Variants in P2RX7 observed in about 807,000 individuals in gnomAD.
The protein encoded by P2RX7 is purinergic receptor P2X 7.
P2RX7 carries 62 observed loss-of-function variants against 71.6 expected under a neutral mutation model. The observed-to-expected ratio is 0.87, with a 90% CI of 0.71 to 1.07. The LOEUF is 1.07. P2RX7 is among the 50% of genes least tolerant of loss of function. The pLI, the probability that P2RX7 is intolerant of heterozygous loss-of-function variation, is 0.00. For synonymous variants in P2RX7, 299 were observed against 283.3 expected, an observed-to-expected ratio of 1.06 and a Z score of -0.56; for missense variants, 686 against 748.5, an observed-to-expected ratio of 0.92 and a Z score of 0.97.
chr12:121,136,890 C>T (rs1873828696), intron 1 of P2RX7, among the ~76,000 whole-genome samples: 1 of 152,074 alleles, frequency 6.6e-6, no homozygotes, highest in African/African-American at 2.4e-5. Flanking sequence ...CTCAAGCAAT[C>T]CACCCGCCTT....
rs1565975235 is a variant in P2RX7, at chr12:121,177,324, G to A, written c.1066G>A (p.Asp356Asn). Residue 356 changes from aspartate (D) to asparagine (N), a missense_variant, in exon 11 of 13, where the codon GAC becomes AAC. Transcript: ENST00000328963. ...LAAVFIDFLIDTYSSNCCRSH... is the reference protein window; with the variant it reads ...LAAVFIDFLINTYSSNCCRSH... Reference sequence around the variant, plus strand: ...CGCTGTGTTCATCGACTTCCTCATCGACACTTACTCCAGTAACTGCTGTCG... The same window carrying A: ...CGCTGTGTTCATCGACTTCCTCATCAACACTTACTCCAGTAACTGCTGTCG... 9.3e-6 allele frequency: 15 copies of A among 1,613,930 alleles called. No homozygotes were observed. Among genetic ancestry groups the A allele is most frequent in the South Asian group, 4.4e-5 (4 of 91,056 alleles).
chr12:121,166,297 C>T, intron 7 of P2RX7, 110 bp downstream of exon 7: 1 of 1,198,442 alleles, frequency 8.3e-7, no homozygotes, highest in East Asian at 2.4e-5. Context: ...CTCACATTTA[C>T]TGAGCATTTA....
At position 121,185,607 on chromosome 12, in the gene P2RX7, T is replaced by TGG. The variant is rs2136183750; in HGVS notation, c.*805_*806insGG. The TGG allele has an allele frequency of 6.5e-6, 1 of 152,748 alleles. No homozygotes were observed. Among genetic ancestry groups the TGG allele is most frequent in the Non-Finnish European group, 1.5e-5 (1 of 68,040 alleles). The allele number at this position is 152,748 out of a possible 1,614,324, so 9.5% of individuals were successfully genotyped here. ...AGTCCCCCAAGACCTAAGGGTTTTA[T>TGG]CTCCTCCCCTTGAATATGGGTGGCT... On this transcript the variant is annotated 3_prime_UTR_variant, in exon 13 of 13. Coordinates refer to ENST00000328963, the MANE Select transcript of P2RX7 (RefSeq NM_002562.6).
At chr12:121,143,846 G>A (rs551364532) in intron 1 of P2RX7, among the ~76,000 whole-genome samples, 71 of 152,110 alleles carry the variant, frequency 4.7e-4, no homozygotes, top group Middle Eastern at 6.8e-3. Context: ...GTGAGACTCC[G>A]TCTCAAAAAA....
At chr12:121,179,101 C>T (rs1231873718) in intron 11 of P2RX7, among the ~76,000 whole-genome samples, 1 of 152,014 alleles carries the variant, frequency 6.6e-6, no homozygotes, top group Non-Finnish European at 1.5e-5. Context: ...GAGATTTTAG[C>T]GTCATCTGTA....
At chr12:121,138,141 A>T (rs1463653524) in intron 1 of P2RX7, among the ~76,000 whole-genome samples, 1 of 152,178 alleles carries the variant, frequency 6.6e-6, no homozygotes. Context: ...CAAAGCCTCA[A>T]AGGGGAATTT....
intron 8 of P2RX7, among the ~76,000 whole-genome samples, chr12:121,173,636 C>T (rs576146841): frequency 7.2e-5 from 11 of 152,274 alleles, no homozygotes; most frequent in Non-Finnish European, 1.6e-4. Context: ...TGGTCCAGAG[C>T]TTTATTGTGT....
At chr12:121,143,865 CT>C (rs1875564181) in intron 1 of P2RX7, among the ~76,000 whole-genome samples, 1 of 152,018 alleles carries the variant, frequency 6.6e-6, no homozygotes, top group Non-Finnish European at 1.5e-5. Flanking sequence ...AAAAGAAAGT[CT>C]CTTTTTACAA....
intron 9 of P2RX7, among the ~76,000 whole-genome samples, chr12:121,176,087 T>C (rs1170129314): frequency 2.0e-5 from 3 of 152,190 alleles, no homozygotes; most frequent in African/African-American, 4.8e-5. Context: ...TCATTGGCTC[T>C]GATTGGCCCA....
At chr12:121,158,388 A>G (rs208292) in intron 3 of P2RX7, among the ~76,000 whole-genome samples, 13,459 of 152,150 alleles carry the variant, frequency 0.088, 933 homozygotes, top group East Asian at 0.26. Context: ...ATAGCTAGAC[A>G]TCTCTTCCTC....
chr12:121,163,743 C>G (rs938044365), intron 5 of P2RX7, among the ~76,000 whole-genome samples: 2 of 152,112 alleles, frequency 1.3e-5, no homozygotes, highest in Non-Finnish European at 2.9e-5. Context: ...CAGGTTTGAG[C>G]CATTGCTCCC....
At chr12:121,165,301 T>C (rs1356562091) in intron 5 of P2RX7, 56 bp from the exon 6 acceptor site, 2 of 1,403,566 alleles carry the variant, frequency 1.4e-6, no homozygotes, top group African/African-American at 1.4e-5. Context: ...CACTGGCCCA[T>C]GGGCTCCCTC....
intron 3 of P2RX7, among the ~76,000 whole-genome samples, chr12:121,157,836 G>A (rs145745992): frequency 9.4e-4 from 143 of 152,298 alleles, no homozygotes; most frequent in African/African-American, 3.0e-3. Context: ...CTAGCTGTTC[G>A]GATTATTGAA....
intron 5 of P2RX7, 111 bp downstream of exon 5, chr12:121,162,631 C>G: frequency 7.5e-7 from 1 of 1,342,184 alleles, no homozygotes; most frequent in South Asian, 1.3e-5. Flanking sequence ...AGTCCTGGGT[C>G]CTACCGGCTT....
intron 3 of P2RX7, among the ~76,000 whole-genome samples, chr12:121,157,646 C>T (rs553781476): frequency 3.3e-5 from 5 of 152,284 alleles, no homozygotes; most frequent in African/African-American, 1.2e-4. Flanking sequence ...CACTTTTGGA[C>T]TTATTGAGAC....
intron 5 of P2RX7, 107 bp from the exon 6 acceptor site, chr12:121,165,250 T>C (rs208304): frequency 0.29 from 230,516 of 784,176 alleles, 35,330 homozygotes; most frequent in South Asian, 0.34. Flanking sequence ...TCTCTTCATG[T>C]ATCCCAAAGA....
At chr12:121,180,481 T>C (rs763600508) in intron 12 of P2RX7, 26 bp downstream of exon 12, 1 of 1,303,070 alleles carries the variant, frequency 7.7e-7, no homozygotes, top group Admixed American at 2.2e-5. Context: ...TTGTCTTTTT[T>C]TTTTTTTTAA....
intron 1 of P2RX7, among the ~76,000 whole-genome samples, chr12:121,147,493 C>T (rs1876446865): frequency 6.6e-6 from 1 of 152,150 alleles, no homozygotes; most frequent in African/African-American, 2.4e-5. Flanking sequence ...ATATCCATCC[C>T]AGAGGCTGGT....
rs200625816 is a variant in P2RX7 at position 121,177,299 on chromosome 12, C to T, written c.1041C>T (p.Ala347=). The T allele has an allele frequency of 4.5e-5, 73 of 1,613,942 alleles. No individual in the cohort carries two copies. The highest frequency in any genetic ancestry group is 5.6e-5 in the Non-Finnish European group (66 of 1,180,034). Residue 347 remains alanine, a splice_region_variant and synonymous_variant, in exon 11 of 13, where the codon GCC becomes GCT. Coordinates refer to ENST00000328963, the MANE Select transcript of P2RX7 (RefSeq NM_002562.6). ...GCGCTTGTCTGCATTCTCCCCAGGC[C>T]GCTGTGTTCATCGACTTCCTCATCG... ...IGSTLSYFGL[A]AVFIDFLIDT...
Sources: gnomAD v4.1 joint callset for allele counts (sites outside exome capture counted in the v4.1 genomes callset) on GRCh38, gnomAD v4.1.1 for gene constraint, MANE v1.5 for transcripts, NCBI Gene and HGNC (gene_info 2026-07-23, HGNC 2026-07-21) for gene names.